The following LRFN2 variants were observed in gnomAD, a reference collection of about 807,000 sequenced individuals.
The protein encoded by LRFN2 is leucine rich repeat and fibronectin type III domain containing 2, also known as leucine-rich repeat and fibronectin type-III domain-containing protein 2.
A neutral mutation model predicts 37.3 loss-of-function variants in LRFN2; 18 were observed. The ratio of observed to expected loss-of-function variants is 0.48; its 90% confidence interval spans 0.33 to 0.72. The LOEUF is 0.72. Ranked by LOEUF, LRFN2 falls within the 30% of genes least tolerant of loss-of-function variation. The pLI is 0.02. For missense variants in LRFN2, 1,006 were observed against 1,060.7 expected (o/e 0.95, Z 0.72); for synonymous variants, 556 against 466.6 (o/e 1.19, Z -2.47).
At chr6:40,482,431 C>A (rs949096223) in intron 1 of LRFN2, among the ~76,000 whole-genome samples, 18 of 152,258 alleles carry the variant, frequency 1.2e-4, no homozygotes, top group African/African-American at 4.1e-4. Flanking sequence ...AGGGGTGGAA[C>A]CACATCCTCC....
rs1303203919 is a variant in LRFN2 at position 40,392,754 on chromosome 6, G to A, written c.1559C>T (p.Pro520Leu). The A allele has an allele frequency of 3.1e-6, 5 of 1,614,114 alleles. No homozygotes were observed. Among genetic ancestry groups the A allele is most frequent in the South Asian group, 1.1e-5 (1 of 91,066 alleles). ...CAQFFTKADY[P>L]QCQSMHSQIL... ...CTGGCTGTGCATGGACTGGCACTGC[G>A]GGTAGTCAGCCTTGGTGAAGAACTG... The change falls in exon 3 of 3, where the codon CCG becomes CTG. Residue 520 changes from proline (P) to leucine (L), a missense_variant. Coordinates refer to ENST00000338305, the MANE Select transcript of LRFN2 (RefSeq NM_020737.3). The surrounding 1 kb of genome is among the most constrained non-coding windows in gnomAD (Gnocchi z 4.7).
At chr6:40,430,984 G>A (rs1002376425) in intron 2 of LRFN2, among the ~76,000 whole-genome samples, 8 of 152,260 alleles carry the variant, frequency 5.3e-5, no homozygotes, top group Non-Finnish European at 1.2e-4. Flanking sequence ...ATAGAACTTA[G>A]GGAAGGTAAG....
chr6:40,523,505 A>ATTTTTTTTTTTT (rs751179915), intron 1 of LRFN2, among the ~76,000 whole-genome samples: 1 of 129,314 alleles, frequency 7.7e-6, no homozygotes, highest in Non-Finnish European at 1.7e-5. Context: ...TCTTTAGGTG[A>ATTTTTTTTTTTT]TTTTTTTTTT....
intron 1 of LRFN2, among the ~76,000 whole-genome samples, chr6:40,564,725 A>C (rs1180567922): frequency 6.6e-6 from 1 of 152,160 alleles, no homozygotes; most frequent in Non-Finnish European, 1.5e-5. Context: ...CCTTTCCCTT[A>C]AATTATAATC....
intron 1 of LRFN2, among the ~76,000 whole-genome samples, chr6:40,513,504 G>C (rs1026152446): frequency 1.3e-5 from 2 of 152,170 alleles, no homozygotes; most frequent in Admixed American, 1.3e-4. Flanking sequence ...AAAGTGCTGT[G>C]ATTAGAGGCA....
chr6:40,393,183 A>T (rs532866366), intron 2 of LRFN2, among the ~76,000 whole-genome samples: 1 of 151,270 alleles, frequency 6.6e-6, no homozygotes, highest in South Asian at 2.1e-4. Context: ...GGCATAGGGA[A>T]TAGAGAAGAA....
chr6:40,566,568 G>A (rs1261405729), intron 1 of LRFN2, among the ~76,000 whole-genome samples: 1 of 151,858 alleles, frequency 6.6e-6, no homozygotes, highest in Non-Finnish European at 1.5e-5. Flanking sequence ...AAAATGATGA[G>A]TTCATGTCCT....
intron 2 of LRFN2, among the ~76,000 whole-genome samples, chr6:40,412,482 A>C (rs1762993675): frequency 6.6e-6 from 1 of 152,164 alleles, no homozygotes; most frequent in East Asian, 1.9e-4. Context: ...TCTGGAGGGT[A>C]TGAGAGTCGC....
At chr6:40,459,569 T>G (rs1291075699) in intron 1 of LRFN2, among the ~76,000 whole-genome samples, 2 of 152,206 alleles carry the variant, frequency 1.3e-5, no homozygotes, top group African/African-American at 4.8e-5. Flanking sequence ...CCCTCTCATC[T>G]CTGCAGGGCC....
chr6:40,581,922 A>G (rs958881522), intron 1 of LRFN2, among the ~76,000 whole-genome samples: 1 of 152,212 alleles, frequency 6.6e-6, no homozygotes, highest in Non-Finnish European at 1.5e-5. Context: ...ACAGACCCTC[A>G]GTATTAGTTG....
intron 2 of LRFN2, among the ~76,000 whole-genome samples, chr6:40,414,021 C>T (rs1429074313): frequency 6.6e-6 from 1 of 152,172 alleles, no homozygotes; most frequent in African/African-American, 2.4e-5. Flanking sequence ...CCAAGACGCT[C>T]GTCTCACCCC....
chr6:40,444,758 G>A (rs1022437326), intron 1 of LRFN2, among the ~76,000 whole-genome samples: 2 of 152,084 alleles, frequency 1.3e-5, no homozygotes, highest in African/African-American at 4.8e-5. Context: ...TGTGGGCAAG[G>A]AGCAGTGAAG....
At chr6:40,504,478 G>A (rs1462258667) in intron 1 of LRFN2, among the ~76,000 whole-genome samples, 1 of 152,142 alleles carries the variant, frequency 6.6e-6, no homozygotes, top group African/African-American at 2.4e-5. Flanking sequence ...TAAAGAAGTG[G>A]GCGTATGAGG....
At chr6:40,518,511 T>G (rs1243799282) in intron 1 of LRFN2, among the ~76,000 whole-genome samples, 2 of 152,130 alleles carry the variant, frequency 1.3e-5, no homozygotes, top group African/African-American at 4.8e-5. Flanking sequence ...TCCTTGAAAA[T>G]CTACTGACCA....
At chr6:40,427,385 C>T (rs1003693659) in intron 2 of LRFN2, among the ~76,000 whole-genome samples, 1 of 152,202 alleles carries the variant, frequency 6.6e-6, no homozygotes, top group Admixed American at 6.5e-5. Flanking sequence ...CTGTGACGTG[C>T]TCTGTTTATG....
chr6:40,464,495 T>A (rs1764414718), intron 1 of LRFN2, among the ~76,000 whole-genome samples: 1 of 152,250 alleles, frequency 6.6e-6, no homozygotes. Context: ...AAGACCCTTG[T>A]CAGATGCAAG....
intron 2 of LRFN2, among the ~76,000 whole-genome samples, chr6:40,417,377 C>G (rs1763116964): frequency 1.3e-5 from 2 of 152,200 alleles, no homozygotes; most frequent in South Asian, 2.1e-4. Flanking sequence ...GGTCACTGAG[C>G]CCCTGACCAA....
intron 1 of LRFN2, among the ~76,000 whole-genome samples, chr6:40,550,369 TAG>T (rs34538214): frequency 0.12 from 18,943 of 152,124 alleles, 1,415 homozygotes; most frequent in Non-Finnish European, 0.16. Context: ...CTAACGTCTT[TAG>T]AGAGAGTCAC....
intron 2 of LRFN2, among the ~76,000 whole-genome samples, chr6:40,418,734 C>T (rs568888873): frequency 6.6e-6 from 1 of 152,266 alleles, no homozygotes; most frequent in East Asian, 1.9e-4. Flanking sequence ...GGCTCAGAGT[C>T]CTCATCTGTC....
Sources: gnomAD v4.1 joint callset for allele counts (sites outside exome capture counted in the v4.1 genomes callset) on GRCh38, gnomAD v4.1.1 for gene constraint, Gnocchi (gnomAD v3.1) non-coding constraint, MANE v1.5 for transcripts, NCBI Gene and HGNC (gene_info 2026-07-23, HGNC 2026-07-21) for gene names.